Variants in LARGE1 observed in about 807,000 individuals in gnomAD.
LARGE1 encodes the protein LARGE xylosyl- and glucuronyltransferase 1.
LARGE1 carries 43 observed loss-of-function variants against 87.6 expected under a neutral mutation model. The observed-to-expected ratio is 0.49, with a 90% CI of 0.38 to 0.63. The LOEUF (loss-of-function observed/expected upper bound fraction) is 0.63, where lower values mean the gene tolerates loss of function less well. Ranked by LOEUF, LARGE1 falls within the 30% of genes least tolerant of loss-of-function variation. The pLI, the probability that LARGE1 is intolerant of heterozygous loss-of-function variation, is 0.00. For synonymous variants in LARGE1, 434 were observed against 394.6 expected, an observed-to-expected ratio of 1.10 and a Z score of -1.18; for missense variants, 802 against 1,000.2, an observed-to-expected ratio of 0.80 and a Z score of 2.67.
chr22:33,843,209 T>C (rs1471588254), intron 1 of LARGE1, among the ~76,000 whole-genome samples: 2 of 152,106 alleles, frequency 1.3e-5, no homozygotes, highest in African/African-American at 4.8e-5. Flanking sequence ...AACATCTTTG[T>C]TCAGTATACT....
chr22:33,571,698 T>C lies in LARGE1; in HGVS notation c.616-6679A>G, dbSNP rs989723683. 7.2e-5 allele frequency among the ~76,000 whole-genome samples: 11 copies of C among 152,286 alleles called. No individual in the cohort carries two copies. The South Asian group carries it at 1.2e-3, about 17-fold the overall frequency. ...CAAGACCTTTATATGGGCTGACCTA[T>C]TGAAACTCCTCCTACCAAGATTAAG... On this transcript the variant is annotated intron_variant, in intron 5 of 14. Transcript: ENST00000397394.
chr22:33,167,320 G>T (rs1042881768), intron 11 of LARGE1, among the ~76,000 whole-genome samples: 1 of 152,164 alleles, frequency 6.6e-6, no homozygotes, highest in Non-Finnish European at 1.5e-5. Flanking sequence ...TTACAGTACA[G>T]CTAGGAAAGC....
chr22:33,392,143 C>T (rs894686152), intron 7 of LARGE1, among the ~76,000 whole-genome samples: 5 of 136,658 alleles, frequency 3.7e-5, no homozygotes, highest in East Asian at 4.0e-4. Flanking sequence ...TGGGAACACA[C>T]GCTTCTTCTT....
intron 2 of LARGE1, among the ~76,000 whole-genome samples, chr22:33,722,390 A>C (rs2083136128): frequency 6.6e-6 from 1 of 151,452 alleles, no homozygotes; most frequent in Non-Finnish European, 1.5e-5. Context: ...GAAAGGAAGG[A>C]AAGAAGGGAG....
chr22:33,578,958 C>G lies in LARGE1; in HGVS notation c.616-13939G>C, dbSNP rs148325018. On this transcript the variant is annotated intron_variant, in intron 5 of 14. Transcript: ENST00000397394. Reference sequence around the variant, plus strand: ...AAATGTTTCTCCAATCTCTAAAGGACTGCAAGTGGCCAGTAACGCTCTACT... The same window carrying G: ...AAATGTTTCTCCAATCTCTAAAGGAGTGCAAGTGGCCAGTAACGCTCTACT... Among the ~76,000 whole-genome samples the G allele has an allele frequency of 6.6e-5, 10 of 152,302 alleles. No homozygotes were observed. In the East Asian group the frequency reaches 1.9e-3, roughly 29 times the overall value.
chr22:33,219,280 C>A (rs1225966468), intron 11 of LARGE1, among the ~76,000 whole-genome samples: 1 of 152,210 alleles, frequency 6.6e-6, no homozygotes, highest in African/African-American at 2.4e-5. Context: ...CAGAAGCCTG[C>A]ACTTTTCACC....
intron 10 of LARGE1, among the ~76,000 whole-genome samples, chr22:33,326,924 C>T (rs1390922922): frequency 6.6e-6 from 1 of 152,208 alleles, no homozygotes; most frequent in Admixed American, 6.5e-5. Flanking sequence ...CCCTTCACCC[C>T]CTCTCTCTGG....
chr22:33,851,929 G>A (rs9609882), intron 1 of LARGE1, among the ~76,000 whole-genome samples: 27,866 of 152,138 alleles, frequency 0.18, 2,736 homozygotes, highest in Middle Eastern at 0.27. Flanking sequence ...GCCTTGCAGT[G>A]ATCTTGCTTT....
chr22:33,563,497 T>A (rs568502226), intron 6 of LARGE1, among the ~76,000 whole-genome samples: 2 of 152,150 alleles, frequency 1.3e-5, no homozygotes, highest in African/African-American at 4.8e-5. Context: ...ACCATGTAAT[T>A]ATAGAAAAAC....
intron 1 of LARGE1, among the ~76,000 whole-genome samples, chr22:33,858,499 T>C (rs2063821976): frequency 6.6e-6 from 1 of 152,244 alleles, no homozygotes; most frequent in Non-Finnish European, 1.5e-5. Flanking sequence ...AGGTGATAGT[T>C]GATTGGCTAT....
At chr22:33,303,850 C>A (rs1158040505) in intron 12 of LARGE1, among the ~76,000 whole-genome samples, 1 of 152,038 alleles carries the variant, frequency 6.6e-6, no homozygotes, top group Non-Finnish European at 1.5e-5. Context: ...GTCTCGAACT[C>A]CTGACCTCGT....
In LARGE1 at chr22:33,387,359, G is replaced by A. The variant is rs563575236; in HGVS notation, c.893-3055C>T. On this transcript the variant is annotated intron_variant, in intron 7 of 14. Transcript: ENST00000397394. ...CAAGAATAGCTTGAACCCAGGAGAC[G>A]GAGGATGCGGTGAGCTGAGATTGCA... 1.1e-4 allele frequency among the ~76,000 whole-genome samples: 16 copies of A among 149,796 alleles called. No individual in the cohort carries two copies. The South Asian group carries it at 1.9e-3, about 18-fold the overall frequency.
rs114246688 is a variant in LARGE1, at chr22:33,817,577, A to T, written c.-82-56019T>A. Among the ~76,000 whole-genome samples the T allele has an allele frequency of 4.5e-3, 683 of 152,200 alleles. 3 individuals are homozygous for T. The highest frequency in any genetic ancestry group is 0.015 in the African/African-American group (628 of 41,550). On this transcript the variant is annotated intron_variant, in intron 1 of 14. Coordinates refer to ENST00000397394, the MANE Select transcript of LARGE1 (RefSeq NM_133642.5). ...CAGAAAAGAGTGTTTGGGTTGTTGC[A>T]CATCCAGATAAGAAGGGACCACAGA...
intron 8 of LARGE1, 149 bp downstream of exon 8, chr22:33,384,043 A>C: frequency 1.4e-6 from 1 of 734,446 alleles, no homozygotes; most frequent in Admixed American, 1.9e-5. Context: ...CTGTTGTCTT[A>C]GACTGGCAAG....
chr22:33,384,355 A>G (rs1287446690), intron 7 of LARGE1, 51 bp from the exon 8 acceptor site: 3 of 1,336,452 alleles, frequency 2.2e-6, no homozygotes, highest in Middle Eastern at 2.4e-4. Context: ...AAAAAGATGG[A>G]GAGCTAGGCA....
intron 2 of LARGE1, chr22:33,746,370 T>C (rs2084084775): frequency 6.6e-6 from 1 of 152,264 alleles, no homozygotes; most frequent in Non-Finnish European, 1.5e-5. Context: ...ATATTATTTT[T>C]ATTTCTGGCA....
intron 1 of LARGE1, among the ~76,000 whole-genome samples, chr22:33,822,821 A>C (rs1262477496): frequency 2.0e-5 from 3 of 152,202 alleles, no homozygotes; most frequent in African/African-American, 7.2e-5. Flanking sequence ...CGTAGGAATG[A>C]TCTTCCTCAG....
At chr22:33,375,973 T>C (rs1179630472) in intron 9 of LARGE1, among the ~76,000 whole-genome samples, 2 of 152,214 alleles carry the variant, frequency 1.3e-5, no homozygotes, top group African/African-American at 4.8e-5. Flanking sequence ...CAGGCAATAT[T>C]TGATAAAAAC....
intron 2 of LARGE1, among the ~76,000 whole-genome samples, chr22:33,687,153 CTTTTTTT>C (rs958730572): frequency 1.4e-5 from 2 of 139,376 alleles, no homozygotes; most frequent in Middle Eastern, 3.7e-3. Flanking sequence ...CCACCTCTTC[CTTTTTTT>C]TTTTTTTTTT....
Sources: gnomAD v4.1 joint callset for allele counts (sites outside exome capture counted in the v4.1 genomes callset) on GRCh38, gnomAD v4.1.1 for gene constraint, MANE v1.5 for transcripts, NCBI Gene and HGNC (gene_info 2026-07-23, HGNC 2026-07-21) for gene names.